SPTBN4: variants seen among roughly 807,000 people sequenced by gnomAD.
SPTBN4 encodes spectrin beta chain, non-erythrocytic 4.
Under a neutral mutation model 277.8 loss-of-function variants are expected in SPTBN4, and 96 were observed. That is an observed-to-expected ratio of 0.35 (90% CI 0.29 to 0.41). The LOEUF is 0.41. Among genes scored for constraint, SPTBN4 ranks in the 10% least tolerant of loss-of-function variants. The pLI is 1.00. For synonymous variants in SPTBN4, 1,481 were observed against 1,580.3 expected, an observed-to-expected ratio of 0.94 and a Z score of 1.49; for missense variants, 3,006 against 3,595.7, an observed-to-expected ratio of 0.84 and a Z score of 4.19.
rs536880312 is a variant in SPTBN4, at chr19:40,527,531, A to G, written c.3858-1510A>G. 3.3e-5 allele frequency among the ~76,000 whole-genome samples: 5 copies of G among 152,354 alleles called. No homozygotes were observed. In the South Asian group the frequency reaches 8.3e-4, roughly 25 times the overall value. ...TAAGGAGAAAATTAAAGAAGGGAAG[A>G]AAGCCAGAAAGTGTTGGGGAGTGGT... is the stretch of plus-strand genomic sequence containing the variant. On this transcript the variant is annotated intron_variant, in intron 17 of 35. Transcript: ENST00000598249.
At chr19:40,492,114 G>A (rs529696439) in intron 4 of SPTBN4, among the ~76,000 whole-genome samples, 4 of 152,174 alleles carry the variant, frequency 2.6e-5, no homozygotes, top group Non-Finnish European at 5.9e-5. Flanking sequence ...AGCCCAGGGA[G>A]GAGGATAGAG....
Position 40,493,154 on chromosome 19 carries a change from C to T in SPTBN4, c.587+100C>T, listed in dbSNP as rs1053683912. 4 of 1,087,636 alleles carry T rather than the reference C, an allele frequency of 3.7e-6. No homozygotes were observed. The African/African-American group carries it at 6.3e-5, about 17-fold the overall frequency. 67.4% of individuals were successfully genotyped at this position (1,087,636 alleles called of 1,614,324 possible). A position where few individuals can be genotyped will look rare whatever the true frequency, so the allele number is the denominator to read the frequency against. On this transcript the variant is annotated intron_variant, in intron 5 of 35. Coordinates refer to ENST00000598249, the MANE Select transcript of SPTBN4 (RefSeq NM_020971.3). ...GAGCTCAAGGGGCAGCCCATGTCCT[C>T]AGGGTCAAAAAGTTACATCTGAAAC...
At chr19:40,549,440 G>A in intron 21 of SPTBN4, 27 bp downstream of exon 21, 1 of 1,247,476 alleles carries the variant, frequency 8.0e-7, no homozygotes, top group Non-Finnish European at 1.1e-6. Flanking sequence ...GGCCTGGGGC[G>A]GGGCGGGGCG....
intron 16 of SPTBN4, among the ~76,000 whole-genome samples, chr19:40,521,377 T>C (rs1361090947): frequency 6.6e-6 from 1 of 152,216 alleles, no homozygotes; most frequent in Non-Finnish European, 1.5e-5. Flanking sequence ...TAACATATAA[T>C]GAAATAATTA....
chr19:40,505,221 CAAAAAAAA>C (rs60448674), intron 12 of SPTBN4, among the ~76,000 whole-genome samples: 3 of 75,048 alleles, frequency 4.0e-5, no homozygotes, highest in African/African-American at 1.1e-4. Flanking sequence ...CCTGTCTGTA[CAAAAAAAA>C]AAAAAAAAAA....
At chr19:40,473,354 G>GTTTTTTTTTTT (rs61584591) in intron 2 of SPTBN4, among the ~76,000 whole-genome samples, 4 of 99,092 alleles carry the variant, frequency 4.0e-5, no homozygotes, top group Non-Finnish European at 5.9e-5. Flanking sequence ...CTGGCCTGGT[G>GTTTTTTTTTTT]TTTTTTTTTT....
At chr19:40,565,275 A>C in intron 27 of SPTBN4, 148 bp from the exon 28 acceptor site, 1 of 719,082 alleles carries the variant, frequency 1.4e-6, no homozygotes, top group East Asian at 2.5e-5. Flanking sequence ...AAAAAAAAAA[A>C]GAAAAGAAAA....
At chr19:40,542,222 C>G (rs900638823) in intron 20 of SPTBN4, among the ~76,000 whole-genome samples, 7 of 152,168 alleles carry the variant, frequency 4.6e-5, no homozygotes, top group African/African-American at 1.7e-4. Flanking sequence ...ACCCCAGTCT[C>G]TCTGTCTCTT....
In SPTBN4 at chr19:40,512,718, G is replaced by C. The variant is rs1426418286; in HGVS notation, c.1929G>C (p.Ser643=). The C allele has an allele frequency of 6.6e-7, 1 of 1,523,752 alleles. No homozygotes were observed. The highest frequency in any genetic ancestry group is 1.4e-5 in the African/African-American group (1 of 70,950). 94.4% of individuals were successfully genotyped at this position (1,523,752 alleles called of 1,614,324 possible). ...AARRRAELEA[S]RSLWALLQEL... ...GGCGACGCGCGGAGCTGGAGGCTTC[G>C]CGGAGCCTGTGGGCGCTGCTGCAGG... Residue 643 remains serine (S), a synonymous_variant, in exon 14 of 36, where the codon TCG becomes TCC. Transcript: ENST00000598249.
chr19:40,557,481 G>A (rs1470835888), intron 26 of SPTBN4, 78 bp downstream of exon 26: 2 of 1,476,480 alleles, frequency 1.4e-6, no homozygotes, highest in Non-Finnish European at 9.0e-7. Flanking sequence ...AAATCAGGCT[G>A]TGGAGCAGGT....
intron 20 of SPTBN4, among the ~76,000 whole-genome samples, chr19:40,535,459 A>C (rs1418997176): frequency 6.6e-6 from 1 of 152,078 alleles, no homozygotes; most frequent in African/African-American, 2.4e-5. Context: ...CCAGAGTAGC[A>C]AATAGCAAAG....
intron 15 of SPTBN4, among the ~76,000 whole-genome samples, chr19:40,517,553 C>T (rs2080474843): frequency 1.3e-5 from 2 of 152,114 alleles, no homozygotes; most frequent in South Asian, 2.1e-4. Flanking sequence ...CCTTGGCCTC[C>T]GCAAGTGCTG....
chr19:40,558,885 G>A (rs1203194106), intron 26 of SPTBN4, among the ~76,000 whole-genome samples: 1 of 147,744 alleles, frequency 6.8e-6, no homozygotes, highest in Non-Finnish European at 1.5e-5. Flanking sequence ...TGGGATTACA[G>A]GCATGAGCTA....
intron 2 of SPTBN4, among the ~76,000 whole-genome samples, chr19:40,476,295 A>C (rs1262479043): frequency 6.6e-6 from 1 of 150,790 alleles, no homozygotes; most frequent in Non-Finnish European, 1.5e-5. Context: ...CAGTGAGCCT[A>C]GATCGTGCCA....
chr19:40,534,042 A>T (rs373736807), intron 19 of SPTBN4, 38 bp from the exon 20 acceptor site: 3 of 1,567,066 alleles, frequency 1.9e-6, no homozygotes, highest in Non-Finnish European at 2.6e-6. Context: ...CCATCTATCT[A>T]TCTTCTCCAT....
chr19:40,513,826 G>A (rs1479207309), intron 14 of SPTBN4, among the ~76,000 whole-genome samples: 1 of 152,146 alleles, frequency 6.6e-6, no homozygotes, highest in Non-Finnish European at 1.5e-5. Flanking sequence ...GCAAATGCCT[G>A]GGGGTAGAGG....
chr19:40,491,376 G>A lies in SPTBN4; in HGVS notation c.495+1128G>A, dbSNP rs2080133680. The stretch of plus-strand genomic sequence containing the variant: ...TAGGTGATCTGTGATGAGTAGTTTG[G>A]ATTTTATTCTGTCTGAGATGGGGAG... On this transcript the variant is annotated intron_variant, in intron 4 of 35. Coordinates refer to ENST00000598249, the MANE Select transcript of SPTBN4 (RefSeq NM_020971.3). Among the ~76,000 whole-genome samples, 3 of 152,110 alleles carry A rather than the reference G, an allele frequency of 2.0e-5. No individual in the cohort carries two copies. The South Asian group carries it at 6.2e-4, about 31-fold the overall frequency.
rs2081028086 is a variant in SPTBN4, at chr19:40,560,228, G to A, written c.5740G>A (p.Ala1914Thr). 1.9e-5 allele frequency: 31 copies of A among 1,610,786 alleles called. No individual in the cohort carries two copies. The East Asian group carries it at 5.6e-4, about 29-fold the overall frequency. The change falls in exon 27 of 36, where the codon GCT becomes ACT. Residue 1914 changes from alanine to threonine, a missense_variant. Coordinates refer to ENST00000598249, the MANE Select transcript of SPTBN4 (RefSeq NM_020971.3). The surrounding 1 kb of genome is among the most constrained non-coding windows in gnomAD (Gnocchi z 5.2). ...TGCGGGTGAACATGCCGAGGCCATC[G>A]CTAGCCGGGAGCAGGAGGTGCTGCA... ...VYAGEHAEAIASREQEVLQGW... is the reference protein window; with the variant it reads ...VYAGEHAEAITSREQEVLQGW...
In SPTBN4 at chr19:40,556,157, C is replaced by G; in HGVS notation, c.5158C>G (p.Arg1720Gly). The change falls in exon 25 of 36, where the codon CGG becomes GGG. Residue 1720 changes from arginine (R) to glycine (G), a missense_variant. Physicochemically the swap from Arg to Gly is moderately radical, Grantham distance 125. Transcript: ENST00000598249. ...GCTCAAGGAGCTGGGTGAGGAGCGC[C>G]GGGTGGCTCTGGAACAGCAGTACTG... is the stretch of plus-strand genomic sequence containing the variant. ...VALKELGEER[R>G]VALEQQYWLY... is the part of the protein sequence containing the mutation. The G allele has an allele frequency of 1.9e-6, 3 of 1,613,248 alleles. No individual in the cohort carries two copies. The highest frequency in any genetic ancestry group is 1.8e-4 in the Middle Eastern group (1 of 5,432).
Sources: gnomAD v4.1 joint callset for allele counts (sites outside exome capture counted in the v4.1 genomes callset) on GRCh38, gnomAD v4.1.1 for gene constraint, Gnocchi (gnomAD v3.1) non-coding constraint, MANE v1.5 for transcripts, NCBI Gene and HGNC (gene_info 2026-07-23, HGNC 2026-07-21) for gene names.